Variants in CATSPERE observed in about 807,000 individuals in gnomAD.
CATSPERE encodes cation channel sperm-associated auxiliary subunit epsilon.
CATSPERE carries 93 observed loss-of-function variants against 114.1 expected under a neutral mutation model. The ratio of observed to expected loss-of-function variants is 0.81; its 90% CI spans 0.69 to 0.97. The LOEUF (loss-of-function observed/expected upper bound fraction) is 0.97, where lower values mean the gene tolerates loss of function less well. CATSPERE is among the 50% of genes least tolerant of loss of function. The pLI, the probability that CATSPERE is intolerant of heterozygous loss-of-function variation, is 0.00. For synonymous variants in CATSPERE, 341 were observed against 384.1 expected (o/e 0.89, Z 1.31); for missense variants, 1,058 against 1,131.6 (o/e 0.93, Z 0.93).
intron 5 of CATSPERE, 42 bp downstream of exon 5, chr1:244,479,826 A>G (rs1294187126): frequency 9.0e-7 from 1 of 1,105,638 alleles, no homozygotes; most frequent in Non-Finnish European, 1.3e-6. Context: ...GCTTTTAAAG[A>G]GTATTTAGCT....
At chr1:244,531,058 T>C (rs984020040) in intron 8 of CATSPERE, among the ~76,000 whole-genome samples, 8 of 150,244 alleles carry the variant, frequency 5.3e-5, no homozygotes, top group African/African-American at 2.0e-4. Context: ...TGAAATCCCA[T>C]CTCTACTAAA....
In CATSPERE at chr1:244,518,388, T is replaced by C. The variant is rs200213356; in HGVS notation, c.430-204T>C. On this transcript the variant is annotated intron_variant, in intron 7 of 21. Coordinates refer to ENST00000366534, the MANE Select transcript of CATSPERE (RefSeq NM_001130957.2). ...AGAGTTTTTGACGAGTTGGAAACTA[T>C]TACAACTTATTTATAATTCATAAAG... 7.2e-5 allele frequency among the ~76,000 whole-genome samples: 11 copies of C among 152,326 alleles called. No individual in the cohort carries two copies. In the East Asian group the frequency reaches 2.1e-3, roughly 29 times the overall value.
chr1:244,493,336 A>G (rs540864358), intron 6 of CATSPERE, among the ~76,000 whole-genome samples: 60 of 152,326 alleles, frequency 3.9e-4, no homozygotes, highest in African/African-American at 1.3e-3. Context: ...CCTGAGAAAA[A>G]CAAGCAATGG....
intron 7 of CATSPERE, among the ~76,000 whole-genome samples, chr1:244,502,567 A>G (rs933842566): frequency 1.3e-5 from 2 of 152,104 alleles, no homozygotes; most frequent in African/African-American, 4.8e-5. Context: ...TCAGTGTTTT[A>G]AAGACACTGT....
intron 9 of CATSPERE, among the ~76,000 whole-genome samples, chr1:244,556,834 T>TA (rs1661651657): frequency 6.6e-6 from 1 of 152,054 alleles, no homozygotes. Context: ...AAAATCAACA[T>TA]AAAAAAATTA....
intron 2 of CATSPERE, among the ~76,000 whole-genome samples, chr1:244,473,100 G>C (rs752854238): frequency 6.6e-6 from 1 of 152,140 alleles, no homozygotes; most frequent in African/African-American, 2.4e-5. Flanking sequence ...ACAGGTTTTC[G>C]TGTGGACCCC....
At chr1:244,516,741 C>T (rs1187393060) in intron 7 of CATSPERE, among the ~76,000 whole-genome samples, 1 of 152,008 alleles carries the variant, frequency 6.6e-6, no homozygotes, top group African/African-American at 2.4e-5. Flanking sequence ...AGGCTAGCCT[C>T]GAACTCTTGA....
intron 8 of CATSPERE, among the ~76,000 whole-genome samples, chr1:244,526,717 C>T (rs994198935): frequency 2.0e-5 from 3 of 150,782 alleles, no homozygotes; most frequent in Admixed American, 6.6e-5. Flanking sequence ...GGCATGACCA[C>T]AGCTCACCAC....
At chr1:244,637,229 C>T (rs887307259) in intron 21 of CATSPERE, among the ~76,000 whole-genome samples, 1 of 152,112 alleles carries the variant, frequency 6.6e-6, no homozygotes, top group Non-Finnish European at 1.5e-5. Flanking sequence ...TCATGGCGTC[C>T]GCTGCAGCCC....
chr1:244,559,152 G>A lies in CATSPERE; in HGVS notation c.1030-1516G>A, dbSNP rs138376435. On this transcript the variant is annotated intron_variant, in intron 9 of 21. Coordinates refer to ENST00000366534, the MANE Select transcript of CATSPERE (RefSeq NM_001130957.2). ...GGAATCCTTGGAATTCTTATCTATCGTGTTTATGACGTGTTCCTCTTCCCA... is the reference window on the plus strand; with the variant it reads ...GGAATCCTTGGAATTCTTATCTATCATGTTTATGACGTGTTCCTCTTCCCA... Among the ~76,000 whole-genome samples the A allele has an allele frequency of 6.0e-3, 913 of 152,260 alleles. 5 individuals are homozygous for A. The highest frequency in any genetic ancestry group is 0.041 in the Middle Eastern group (12 of 294).
At chr1:244,564,486 C>A (rs1424375731) in intron 10 of CATSPERE, among the ~76,000 whole-genome samples, 2 of 152,088 alleles carry the variant, frequency 1.3e-5, no homozygotes, top group African/African-American at 4.8e-5. Flanking sequence ...AAGTTGTATT[C>A]CTAGGTATTT....
At chr1:244,565,002 C>A (rs1663210856) in intron 10 of CATSPERE, among the ~76,000 whole-genome samples, 2 of 152,020 alleles carry the variant, frequency 1.3e-5, no homozygotes, top group Admixed American at 1.3e-4. Flanking sequence ...TCTATTGAGA[C>A]AAACATGTGG....
intron 5 of CATSPERE, among the ~76,000 whole-genome samples, 190 bp from the exon 6 acceptor site, chr1:244,490,257 C>T (rs1671798506): frequency 6.6e-6 from 1 of 152,176 alleles, no homozygotes; most frequent in African/African-American, 2.4e-5. Context: ...AAATGAGAAT[C>T]AGTAACGATA....
chr1:244,498,672 C>T (rs1673505466), intron 6 of CATSPERE, among the ~76,000 whole-genome samples: 1 of 152,174 alleles, frequency 6.6e-6, no homozygotes, highest in African/African-American at 2.4e-5. Flanking sequence ...CCAAGGCAGG[C>T]AGATCACCTG....
chr1:244,616,672 G>GTA (rs1309670097), intron 19 of CATSPERE, among the ~76,000 whole-genome samples: 3 of 152,196 alleles, frequency 2.0e-5, no homozygotes, highest in Non-Finnish European at 4.4e-5. Context: ...ATTGATGAAG[G>GTA]TAGTGCCCCT....
intron 7 of CATSPERE, among the ~76,000 whole-genome samples, chr1:244,517,681 G>A (rs1676864356): frequency 6.6e-6 from 1 of 151,650 alleles, no homozygotes; most frequent in Non-Finnish European, 1.5e-5. Flanking sequence ...GCTGAAGTAG[G>A]AGAATCGCTT....
At chr1:244,474,628 C>T (rs2148131635) in intron 2 of CATSPERE, among the ~76,000 whole-genome samples, 1 of 151,964 alleles carries the variant, frequency 6.6e-6, no homozygotes, top group Non-Finnish European at 1.5e-5. Flanking sequence ...TTTTCCTCTT[C>T]AGGATCTCTG....
intron 8 of CATSPERE, among the ~76,000 whole-genome samples, chr1:244,541,030 T>C (rs1658612229): frequency 1.7e-5 from 1 of 57,898 alleles, no homozygotes; most frequent in African/African-American, 5.1e-5. Flanking sequence ...GACTTAAACA[T>C]TAGACCTAAA....
intron 2 of CATSPERE, among the ~76,000 whole-genome samples, chr1:244,475,597 C>T (rs905529087): frequency 1.1e-4 from 15 of 134,326 alleles, no homozygotes; most frequent in East Asian, 2.3e-4. Flanking sequence ...AGTGCAGTGG[C>T]GCGATCTCAG....
Sources: gnomAD v4.1 joint callset for allele counts (sites outside exome capture counted in the v4.1 genomes callset) on GRCh38, gnomAD v4.1.1 for gene constraint, MANE v1.5 for transcripts, NCBI Gene and HGNC (gene_info 2026-07-23, HGNC 2026-07-21) for gene names.